Variants in GALNT18 observed in about 807,000 individuals in gnomAD.
The protein encoded by GALNT18 is polypeptide N-acetylgalactosaminyltransferase 18, also known as GalNAc-transferase 18.
GALNT18 carries 44 observed loss-of-function variants against 69.5 expected under a neutral mutation model. The observed-to-expected ratio is 0.63, with a 90% CI of 0.50 to 0.81. The LOEUF (loss-of-function observed/expected upper bound fraction) is 0.81, where lower values mean the gene tolerates loss of function less well. Among genes scored for constraint, GALNT18 ranks in the 40% least tolerant of loss-of-function variants. The pLI, the probability that GALNT18 is intolerant of heterozygous loss-of-function variation, is 0.00. For synonymous variants in GALNT18, 364 were observed against 318.2 expected (o/e 1.14, Z -1.53); for missense variants, 715 against 810.0 (o/e 0.88, Z 1.42).
At chr11:11,305,667 A>G (rs887592341) in intron 9 of GALNT18, among the ~76,000 whole-genome samples, 1 of 151,962 alleles carries the variant, frequency 6.6e-6, no homozygotes, top group African/African-American at 2.4e-5. Context: ...AATGCTGCCA[A>G]CCTCCGAGGA....
chr11:11,522,943 T>G (rs1010468667), intron 1 of GALNT18, among the ~76,000 whole-genome samples: 7 of 152,222 alleles, frequency 4.6e-5, no homozygotes, highest in Non-Finnish European at 1.0e-4. Context: ...AACATGAAAC[T>G]TCTTCCCCTG....
intron 8 of GALNT18, among the ~76,000 whole-genome samples, chr11:11,327,690 G>C (rs1479744118): frequency 6.6e-6 from 1 of 152,332 alleles, no homozygotes; most frequent in African/African-American, 2.4e-5. Context: ...GGTCGGATGG[G>C]AGAATAAGAG....
chr11:11,608,366 TGG>T (rs1491013706), intron 1 of GALNT18, among the ~76,000 whole-genome samples: 65 of 151,906 alleles, frequency 4.3e-4, no homozygotes, highest in South Asian at 1.9e-3. Flanking sequence ...TTTTGTTTTT[TGG>T]TTTTTTTTTG....
chr11:11,362,904 AC>A (rs1188670070), intron 6 of GALNT18, among the ~76,000 whole-genome samples: 4 of 152,350 alleles, frequency 2.6e-5, no homozygotes, highest in African/African-American at 9.6e-5. Flanking sequence ...TAATTATAGC[AC>A]TATGCTCTCA....
chr11:11,293,661 T>C (rs12420004), intron 9 of GALNT18, among the ~76,000 whole-genome samples: 28,990 of 150,286 alleles, frequency 0.19, 3,192 homozygotes, highest in African/African-American at 0.29. Context: ...CCTGCCTCCG[T>C]CTCCTGAGTA....
rs1003797428 is a variant in GALNT18 at position 11,615,986 on chromosome 11, T to C, written c.235+5373A>G. 4.7e-4 allele frequency among the ~76,000 whole-genome samples: 71 copies of C among 152,280 alleles called. 1 individual carries two copies. Among genetic ancestry groups the C allele is most frequent in the South Asian group, 2.1e-3 (10 of 4,814 alleles). ...ACAAATCACAAACACTGAGTCTTTTTTTCTTCTTCTTCTTCTTCTTTTTTT... is the reference window on the plus strand; with the variant it reads ...ACAAATCACAAACACTGAGTCTTTTCTTCTTCTTCTTCTTCTTCTTTTTTT... On this transcript the variant is annotated intron_variant, in intron 1 of 10. Coordinates refer to ENST00000227756, the MANE Select transcript of GALNT18 (RefSeq NM_198516.3).
Position 11,413,462 on chromosome 11 carries a change from C to T in GALNT18, c.595+19159G>A, listed in dbSNP as rs180918742. Among the ~76,000 whole-genome samples the T allele has an allele frequency of 6.2e-4, 95 of 152,300 alleles. No individual in the cohort carries two copies. Among genetic ancestry groups the T allele is most frequent in the African/African-American group, 1.9e-3 (80 of 41,560 alleles). The stretch of plus-strand genomic sequence containing the variant: ...CATCCTACGGACGATTCCTTATTCA[C>T]GTTCATTCTTCTCCAGCTCCCTCAG... On this transcript the variant is annotated intron_variant, in intron 3 of 10. Transcript: ENST00000227756. This position sits in a 1 kb window ranked among gnomAD's most constrained non-coding sequence, Gnocchi z 4.7.
At chr11:11,290,664 C>G (rs1849280967) in intron 10 of GALNT18, among the ~76,000 whole-genome samples, 1 of 152,304 alleles carries the variant, frequency 6.6e-6, no homozygotes, top group Middle Eastern at 3.4e-3. Context: ...TCTTAACATT[C>G]ATTCCCAATT....
chr11:11,556,795 T>C (rs1320013735), intron 1 of GALNT18, among the ~76,000 whole-genome samples: 1 of 152,246 alleles, frequency 6.6e-6, no homozygotes, highest in Non-Finnish European at 1.5e-5. Flanking sequence ...TAGAAAAATG[T>C]GCAGTAAACT....
intron 6 of GALNT18, among the ~76,000 whole-genome samples, chr11:11,357,986 T>G (rs777421572): frequency 2.8e-4 from 42 of 152,216 alleles, no homozygotes; most frequent in Non-Finnish European, 5.0e-4. Flanking sequence ...AATGCTGCCT[T>G]TCCCTAACAT....
In GALNT18 at chr11:11,332,298, G is replaced by A. The variant is rs1249987265; in HGVS notation, c.1416+396C>T. Among the ~76,000 whole-genome samples, 5 of 152,228 alleles carry A rather than the reference G, an allele frequency of 3.3e-5. No individual in the cohort carries two copies. Among genetic ancestry groups the A allele is most frequent in the African/African-American group, 9.6e-5 (4 of 41,452 alleles). ...TCAGGGAGGCTCTGCATGCGAGTGG[G>A]AGGCATTAGCTCCTTGGTCAGGGAG... On this transcript the variant is annotated intron_variant, in intron 8 of 10. Coordinates refer to ENST00000227756, the MANE Select transcript of GALNT18 (RefSeq NM_198516.3). The surrounding 1 kb of genome is among the most constrained non-coding windows in gnomAD (Gnocchi z 4.3).
intron 9 of GALNT18, among the ~76,000 whole-genome samples, chr11:11,321,914 G>A (rs1420927971): frequency 6.6e-6 from 1 of 152,194 alleles, no homozygotes; most frequent in Non-Finnish European, 1.5e-5. Flanking sequence ...CTATGGGTAG[G>A]TTTTGACCAG....
chr11:11,469,454 G>T lies in GALNT18; in HGVS notation c.236-20518C>A, dbSNP rs560624869. Among the ~76,000 whole-genome samples, 26 of 152,288 alleles carry T rather than the reference G, an allele frequency of 1.7e-4. No individual in the cohort carries two copies. Among genetic ancestry groups the T allele is most frequent in the Non-Finnish European group, 2.8e-4 (19 of 68,026 alleles). On this transcript the variant is annotated intron_variant, in intron 1 of 10. Coordinates refer to ENST00000227756, the MANE Select transcript of GALNT18 (RefSeq NM_198516.3). The surrounding 1 kb of genome is among the most constrained non-coding windows in gnomAD (Gnocchi z 4.2). Reference sequence around the variant, plus strand: ...CATGGCAGAGACAGGCTGCTGCAGGGCTCAACAGAAGCCCCTGTCCTCTAG... The same window carrying T: ...CATGGCAGAGACAGGCTGCTGCAGGTCTCAACAGAAGCCCCTGTCCTCTAG...
At chr11:11,330,308 T>C (rs1268092736) in intron 8 of GALNT18, among the ~76,000 whole-genome samples, 2 of 152,246 alleles carry the variant, frequency 1.3e-5, no homozygotes, top group East Asian at 3.8e-4. Context: ...AAAAGACATC[T>C]GGTCTCTTCA....
intron 7 of GALNT18, among the ~76,000 whole-genome samples, chr11:11,335,167 T>G (rs1286546962): frequency 6.6e-6 from 1 of 152,212 alleles, no homozygotes; most frequent in African/African-American, 2.4e-5. Flanking sequence ...AAAAGTTTCT[T>G]TCTGCACTTA....
chr11:11,606,518 G>A lies in GALNT18; in HGVS notation c.235+14841C>T, dbSNP rs144850436. On this transcript the variant is annotated intron_variant, in intron 1 of 10. Coordinates refer to ENST00000227756, the MANE Select transcript of GALNT18 (RefSeq NM_198516.3). The surrounding 1 kb of genome is among the most constrained non-coding windows in gnomAD (Gnocchi z 5.4). ...TAAAATATCTGCCCCTCCTCTATCC[G>A]AATCATCACTCTGGTTTGAGGGGCT... 8.4e-4 allele frequency among the ~76,000 whole-genome samples: 128 copies of A among 151,940 alleles called. No homozygotes were observed. Among genetic ancestry groups the A allele is most frequent in the Middle Eastern group, 3.4e-3 (1 of 294 alleles).
chr11:11,275,689 C>T (rs1848929330), intron 10 of GALNT18, among the ~76,000 whole-genome samples: 1 of 152,120 alleles, frequency 6.6e-6, no homozygotes, highest in African/African-American at 2.4e-5. Context: ...GTCTTTTATC[C>T]ATCTTGAGTT....
In GALNT18 at chr11:11,614,628, G is replaced by C. The variant is rs146707585; in HGVS notation, c.235+6731C>G. ...TGAAGTGAGGTCAGAAATCCTATAC[G>C]ATGGTAATGAAGACGCTCCAGTAAC... is the stretch of plus-strand genomic sequence containing the variant. On this transcript the variant is annotated intron_variant, in intron 1 of 10. Transcript: ENST00000227756. The surrounding 1 kb of genome is among the most constrained non-coding windows in gnomAD (Gnocchi z 5.6). Among the ~76,000 whole-genome samples the C allele has an allele frequency of 1.5e-3, 226 of 152,262 alleles. 1 individual carries two copies. Among genetic ancestry groups the C allele is most frequent in the African/African-American group, 5.3e-3 (219 of 41,562 alleles).
At chr11:11,367,331 G>A (rs1316837155) in intron 6 of GALNT18, among the ~76,000 whole-genome samples, 12 of 152,128 alleles carry the variant, frequency 7.9e-5, no homozygotes. Context: ...ATTCTAAAGA[G>A]GCAAATGATT....
Sources: gnomAD v4.1 joint callset for allele counts (sites outside exome capture counted in the v4.1 genomes callset) on GRCh38, gnomAD v4.1.1 for gene constraint, Gnocchi (gnomAD v3.1) non-coding constraint, MANE v1.5 for transcripts, NCBI Gene and HGNC (gene_info 2026-07-23, HGNC 2026-07-21) for gene names.